KIF13A: variants seen among roughly 807,000 people sequenced by gnomAD.
KIF13A encodes the protein kinesin family member 13A.
Under a neutral mutation model 212.2 loss-of-function variants are expected in KIF13A, and 79 were observed. That is an observed-to-expected ratio of 0.37 (90% CI 0.31 to 0.45). The LOEUF is 0.45. Among genes scored for constraint, KIF13A ranks in the 20% least tolerant of loss-of-function variants. The pLI is 1.00. For synonymous variants in KIF13A, 789 were observed against 808.6 expected, an observed-to-expected ratio of 0.98 and a Z score of 0.41; for missense variants, 1,901 against 2,209.0, an observed-to-expected ratio of 0.86 and a Z score of 2.79.
chr6:17,815,126 C>T (rs978000357), intron 17 of KIF13A, among the ~76,000 whole-genome samples: 24 of 152,318 alleles, frequency 1.6e-4, no homozygotes, highest in Admixed American at 1.6e-3. Context: ...TGTTTGGCAG[C>T]CAAGGCGGAG....
At position 17,825,553 on chromosome 6, in the gene KIF13A, C is replaced by G. The variant is rs1035575408; in HGVS notation, c.1786+215G>C. Among the ~76,000 whole-genome samples the G allele has an allele frequency of 6.6e-6, 1 of 152,160 alleles. No individual in the cohort carries two copies. The highest frequency in any genetic ancestry group is 2.4e-5 in the African/African-American group (1 of 41,442). On this transcript the variant is annotated intron_variant, in intron 16 of 38. Coordinates refer to ENST00000259711, the MANE Select transcript of KIF13A (RefSeq NM_022113.6). The surrounding 1 kb of genome is among the most constrained non-coding windows in gnomAD (Gnocchi z 4.5). ...GCTTGGGAATAAGAGGTCTCAAAAA[C>G]GGGACCATCCATATCCTCATTGTAA... is the stretch of plus-strand genomic sequence containing the variant.
intron 4 of KIF13A, among the ~76,000 whole-genome samples, chr6:17,863,861 G>A (rs917358432): frequency 1.3e-5 from 2 of 152,000 alleles, no homozygotes; most frequent in South Asian, 2.1e-4. Flanking sequence ...CCTTTTCTCA[G>A]CATAGGAAAA....
chr6:17,921,864 A>T (rs1390086254), intron 2 of KIF13A, among the ~76,000 whole-genome samples: 1 of 152,172 alleles, frequency 6.6e-6, no homozygotes, highest in Non-Finnish European at 1.5e-5. Context: ...GCTTATAGAC[A>T]TTTCACTTTT....
intron 25 of KIF13A, 113 bp from the exon 26 acceptor site, chr6:17,790,023 A>G: frequency 4.0e-6 from 3 of 745,926 alleles, no homozygotes; most frequent in Non-Finnish European, 6.7e-6. Context: ...ACCTAACATA[A>G]GCAAAATAAA....
At chr6:17,875,656 T>C (rs1201372376) in intron 3 of KIF13A, among the ~76,000 whole-genome samples, 1 of 152,074 alleles carries the variant, frequency 6.6e-6, no homozygotes, top group East Asian at 1.9e-4. Flanking sequence ...GGTCTCACCA[T>C]GTTGGCCAGG....
chr6:17,972,833 G>GAAAAAAA (rs34095609), intron 2 of KIF13A, among the ~76,000 whole-genome samples: 1 of 113,332 alleles, frequency 8.8e-6, no homozygotes. Flanking sequence ...GAGAGAGTGA[G>GAAAAAAA]AAAAAAAAAA....
intron 4 of KIF13A, 122 bp downstream of exon 4, chr6:17,873,255 A>C: frequency 4.7e-6 from 3 of 637,404 alleles, no homozygotes. Flanking sequence ...ATGTGGTATA[A>C]TTGGAAAGAA....
At chr6:17,885,367 A>G (rs370954022) in intron 3 of KIF13A, among the ~76,000 whole-genome samples, 2 of 152,252 alleles carry the variant, frequency 1.3e-5, no homozygotes, top group Non-Finnish European at 2.9e-5. Context: ...TATGTCAAGT[A>G]ACAGCTGTCT....
chr6:17,824,778 A>C (rs1764816346), intron 16 of KIF13A, among the ~76,000 whole-genome samples: 1 of 141,698 alleles, frequency 7.1e-6, no homozygotes, highest in Non-Finnish European at 1.5e-5. Flanking sequence ...AAAAAAAAAA[A>C]AACAAAACAC....
Position 17,800,063 on chromosome 6 carries a change from T to C in KIF13A, c.2505A>G (p.Pro835=). Residue 835 remains proline, a synonymous_variant, in exon 21 of 39, where the codon CCA becomes CCG. Coordinates refer to ENST00000259711, the MANE Select transcript of KIF13A (RefSeq NM_022113.6). ...VEVMRVTGAV[P]ERVVEDDSSE... ...AAGAGTCATCCTCCACCACACGCTC[T>C]GGAACAGCTCCTGTAACACGCATCA... 6.2e-7 allele frequency: 1 copy of C among 1,613,980 alleles called. No homozygotes were observed. The highest frequency in any genetic ancestry group is 8.5e-7 in the Non-Finnish European group (1 of 1,179,888).
At chr6:17,859,234 C>T (rs1186907032) in intron 4 of KIF13A, among the ~76,000 whole-genome samples, 2 of 151,946 alleles carry the variant, frequency 1.3e-5, no homozygotes, top group Non-Finnish European at 2.9e-5. Flanking sequence ...GTAAATGAAA[C>T]AAACCACCAG....
chr6:17,862,942 C>T (rs1018966862), intron 4 of KIF13A, among the ~76,000 whole-genome samples: 13 of 151,912 alleles, frequency 8.6e-5, no homozygotes, highest in African/African-American at 1.5e-4. Context: ...AGCGAGACTG[C>T]GTCTCAAAAA....
chr6:17,821,588 T>TGTG (rs11270201), intron 16 of KIF13A, among the ~76,000 whole-genome samples: 10 of 146,344 alleles, frequency 6.8e-5, no homozygotes, highest in Admixed American at 6.8e-5. Context: ...TGTGTGTGTG[T>TGTG]TGGGGGTGGG....
chr6:17,768,699 G>T lies in KIF13A; in HGVS notation c.4581+2415C>A, dbSNP rs768878636. Among the ~76,000 whole-genome samples the T allele has an allele frequency of 2.6e-5, 4 of 152,178 alleles. No individual in the cohort carries two copies. Among genetic ancestry groups the T allele is most frequent in the Non-Finnish European group, 4.4e-5 (3 of 68,036 alleles). ...TTAACTGTGAGACCTTGAGCAAGTT[G>T]CTCAACAATTCTAACCCTTTGCTTC... On this transcript the variant is annotated intron_variant, in intron 38 of 38. Coordinates refer to ENST00000259711, the MANE Select transcript of KIF13A (RefSeq NM_022113.6). The surrounding 1 kb of genome is among the most constrained non-coding windows in gnomAD (Gnocchi z 5.4).
chr6:17,794,323 C>T lies in KIF13A; in HGVS notation c.3148G>A (p.Ala1050Thr). 1 of 1,613,460 alleles carries T rather than the reference C, an allele frequency of 6.2e-7. No homozygotes were observed. Among genetic ancestry groups the T allele is most frequent in the South Asian group, 1.1e-5 (1 of 91,072 alleles). The stretch of plus-strand genomic sequence containing the variant: ...CAGCCGATGGATACTGACAGGATGG[C>T]TTCAACCATAAGTGGCAGTGTCCCT... ...HSGTLPLMVE[A>T]ILSVSIGCVT... The change falls in exon 25 of 39, where the codon GCC (alanine) becomes ACC (threonine). Residue 1050 changes from alanine (A) to threonine (T), a missense_variant. By Grantham distance (58) the Ala-to-Thr change is moderately conservative. This residue lies in a region of KIF13A where 168 missense variants were observed against 250.9 expected (regional missense o/e 0.67). Coordinates refer to ENST00000259711, the MANE Select transcript of KIF13A (RefSeq NM_022113.6). This position sits in a 1 kb window ranked among gnomAD's most constrained non-coding sequence, Gnocchi z 4.1.
intron 9 of KIF13A, among the ~76,000 whole-genome samples, chr6:17,847,281 C>T (rs753901300): frequency 6.6e-6 from 1 of 152,162 alleles, no homozygotes; most frequent in Non-Finnish European, 1.5e-5. Context: ...TTTCTGCCTC[C>T]CCATCCTGGT....
intron 2 of KIF13A, among the ~76,000 whole-genome samples, chr6:17,921,205 T>C (rs1775039892): frequency 6.6e-6 from 1 of 152,164 alleles, no homozygotes; most frequent in East Asian, 1.9e-4. Context: ...AACTTAAAAA[T>C]TCCCAAAGCA....
intron 2 of KIF13A, among the ~76,000 whole-genome samples, chr6:17,901,670 CCTTCCATTTTGGAG>C (rs1773070249): frequency 6.6e-6 from 1 of 152,298 alleles, no homozygotes; most frequent in East Asian, 1.9e-4. Context: ...GTCCCAAACC[CCTTCCATTTTGGAG>C]CTGCCCAAAT....
chr6:17,844,077 G>T (rs1766790285), intron 9 of KIF13A, among the ~76,000 whole-genome samples: 1 of 151,042 alleles, frequency 6.6e-6, no homozygotes, highest in Admixed American at 6.6e-5. Context: ...AGAAAGAAAA[G>T]AAATAATTAG....
Sources: allele counts gnomAD v4.1 joint callset (sites outside exome capture counted in the v4.1 genomes callset), GRCh38; gene constraint gnomAD v4.1.1; regional missense constraint gnomAD v4.1.1; non-coding constraint Gnocchi (gnomAD v3.1); transcripts MANE v1.5; gene names NCBI Gene and HGNC (gene_info 2026-07-23, HGNC 2026-07-21).